TBC1D1: variants seen among roughly 807,000 people sequenced by gnomAD.
TBC1D1 encodes the protein TBC1 (tre-2/USP6, BUB2, cdc16) domain family, member 1.
A neutral mutation model predicts 125.6 loss-of-function variants in TBC1D1; 89 were observed. The observed-to-expected ratio is 0.71, with a 90% CI of 0.60 to 0.85. TBC1D1 has a LOEUF of 0.85. Among genes scored for constraint, TBC1D1 ranks in the 40% least tolerant of loss-of-function variants. The probability of loss-of-function intolerance (pLI) is 0.00; values close to 1 mark genes in which losing one functional copy is unlikely to be tolerated. For missense variants in TBC1D1, 1,377 were observed against 1,469.2 expected, an observed-to-expected ratio of 0.94 and a Z score of 1.03; for synonymous variants, 565 against 564.1, an observed-to-expected ratio of 1.00 and a Z score of -0.02.
At chr4:38,089,716 A>C (rs558966879) in intron 12 of TBC1D1, among the ~76,000 whole-genome samples, 222 of 152,364 alleles carry the variant, frequency 1.5e-3, no homozygotes, top group Non-Finnish European at 2.7e-3. Flanking sequence ...ATTCTTCCTC[A>C]GCTACTGAAG....
At chr4:38,038,082 G>A (rs1028119708) in intron 8 of TBC1D1, among the ~76,000 whole-genome samples, 3 of 152,140 alleles carry the variant, frequency 2.0e-5, no homozygotes, top group Non-Finnish European at 4.4e-5. Context: ...TTTGAGGTAG[G>A]TGGTAAAATA....
intron 19 of TBC1D1, among the ~76,000 whole-genome samples, chr4:38,135,345 G>T (rs1211951985): frequency 6.6e-6 from 1 of 152,166 alleles, no homozygotes; most frequent in Non-Finnish European, 1.5e-5. Context: ...TTGCATAGAC[G>T]TGCCAGATGG....
intron 15 of TBC1D1, among the ~76,000 whole-genome samples, chr4:38,103,552 C>T (rs1442896705): frequency 6.6e-6 from 1 of 152,184 alleles, no homozygotes; most frequent in Admixed American, 6.5e-5. Flanking sequence ...TTTTACTGCT[C>T]ACAAACAGAA....
chr4:37,988,913 A>G (rs1735997925), intron 2 of TBC1D1, among the ~76,000 whole-genome samples: 1 of 152,234 alleles, frequency 6.6e-6, no homozygotes, highest in Non-Finnish European at 1.5e-5. Context: ...ACATTAAAAC[A>G]GAGATCTTAA....
At chr4:38,058,530 C>G (rs1425644413) in intron 12 of TBC1D1, among the ~76,000 whole-genome samples, 1 of 152,256 alleles carries the variant, frequency 6.6e-6, no homozygotes, top group African/African-American at 2.4e-5. Flanking sequence ...ATGAAAGACA[C>G]ACAAGTGTGC....
intron 12 of TBC1D1, among the ~76,000 whole-genome samples, chr4:38,089,404 T>G (rs975355456): frequency 3.9e-5 from 6 of 152,232 alleles, no homozygotes; most frequent in Admixed American, 3.3e-4. Flanking sequence ...TGGTTAAGAA[T>G]GCACATGAAA....
At chr4:38,021,557 T>G in intron 5 of TBC1D1, 29 bp from the exon 6 acceptor site, 2 of 1,473,746 alleles carry the variant, frequency 1.4e-6, no homozygotes, top group Non-Finnish European at 9.0e-7. Flanking sequence ...GACTTTTTGG[T>G]GACTACAACT....
chr4:38,000,528 T>C (rs567087718), intron 2 of TBC1D1, among the ~76,000 whole-genome samples: 11 of 152,196 alleles, frequency 7.2e-5, no homozygotes, highest in Non-Finnish European at 1.0e-4. Context: ...GTTTCCAATT[T>C]TGGAGCATTT....
intron 3 of TBC1D1, 118 bp downstream of exon 3, chr4:38,015,091 T>C: frequency 1.2e-6 from 1 of 852,932 alleles, no homozygotes; most frequent in South Asian, 2.0e-5. Flanking sequence ...TGAATCCATA[T>C]ATTTTCATGC....
chr4:38,021,508 A>G, intron 5 of TBC1D1, 78 bp from the exon 6 acceptor site: 1 of 1,346,774 alleles, frequency 7.4e-7, no homozygotes, highest in Non-Finnish European at 9.8e-7. Context: ...AATCTTTTCC[A>G]AAGATTTTCT....
intron 2 of TBC1D1, among the ~76,000 whole-genome samples, chr4:38,002,258 T>A (rs1310038088): frequency 1.3e-5 from 2 of 152,174 alleles, no homozygotes; most frequent in Admixed American, 6.5e-5. Context: ...TAAACTACAT[T>A]CTCTGTAGGC....
At chr4:38,075,641 C>T (rs1025937911) in intron 12 of TBC1D1, among the ~76,000 whole-genome samples, 7 of 152,188 alleles carry the variant, frequency 4.6e-5, no homozygotes, top group Admixed American at 1.3e-4. Context: ...ATTCTGAACT[C>T]AGATCACGTC....
intron 12 of TBC1D1, among the ~76,000 whole-genome samples, chr4:38,070,140 C>G (rs1007619718): frequency 6.6e-6 from 1 of 152,182 alleles, no homozygotes; most frequent in Non-Finnish European, 1.5e-5. Flanking sequence ...ATGAGAATCC[C>G]TAGCTTTGTA....
chr4:38,025,721 T>C (rs1263394964), intron 6 of TBC1D1, among the ~76,000 whole-genome samples: 1 of 152,242 alleles, frequency 6.6e-6, no homozygotes, highest in Admixed American at 6.5e-5. Context: ...GGATTTTTAG[T>C]GCATGATGAC....
At chr4:37,900,152 A>T (rs1387608016) in intron 1 of TBC1D1, among the ~76,000 whole-genome samples, 1 of 151,198 alleles carries the variant, frequency 6.6e-6, no homozygotes, top group Non-Finnish European at 1.5e-5. Context: ...AAAAGTAAGG[A>T]AGGTGTGGCC....
chr4:37,947,563 C>T (rs1000162420), intron 2 of TBC1D1, among the ~76,000 whole-genome samples: 2 of 152,156 alleles, frequency 1.3e-5, no homozygotes, highest in African/African-American at 4.8e-5. Flanking sequence ...TGGGCTCAAG[C>T]AATCCTCCTG....
intron 2 of TBC1D1, among the ~76,000 whole-genome samples, chr4:37,914,799 C>A (rs931540144): frequency 6.6e-6 from 1 of 152,210 alleles, no homozygotes; most frequent in Non-Finnish European, 1.5e-5. Context: ...TCATTCTTCA[C>A]CTGGGATCTT....
intron 2 of TBC1D1, among the ~76,000 whole-genome samples, chr4:37,993,612 C>T (rs900720398): frequency 2.6e-5 from 4 of 152,250 alleles, no homozygotes; most frequent in East Asian, 1.9e-4. Context: ...GATGCAGTCT[C>T]GCTCTGTTGC....
intron 12 of TBC1D1, among the ~76,000 whole-genome samples, chr4:38,057,923 G>A (rs1356184829): frequency 1.3e-5 from 2 of 152,204 alleles, no homozygotes; most frequent in Non-Finnish European, 2.9e-5. Context: ...AGCCAGAGAT[G>A]CAGGACGCTG....
Sources: allele counts gnomAD v4.1 joint callset (sites outside exome capture counted in the v4.1 genomes callset), GRCh38; gene constraint gnomAD v4.1.1; transcripts MANE v1.5; gene names NCBI Gene and HGNC (gene_info 2026-07-23, HGNC 2026-07-21).